Variants in CTTNBP2 observed in about 807,000 individuals in gnomAD.
CTTNBP2 encodes cortactin binding protein 2, also known as cortactin-binding protein 2.
A neutral mutation model predicts 156.9 loss-of-function variants in CTTNBP2; 108 were observed. That is an observed-to-expected ratio of 0.69 (90% CI 0.59 to 0.81). CTTNBP2 has a LOEUF of 0.81. Ranked by LOEUF, CTTNBP2 falls within the 30% of genes least tolerant of loss-of-function variation. CTTNBP2 has a pLI of 0.00. For synonymous variants in CTTNBP2, 767 were observed against 751.8 expected, an observed-to-expected ratio of 1.02 and a Z score of -0.33; for missense variants, 1,924 against 2,035.4, an observed-to-expected ratio of 0.95 and a Z score of 1.05.
At position 117,718,138 on chromosome 7, in the gene CTTNBP2, G is replaced by C. The variant is rs746332461; in HGVS notation, c.4645-19C>G. 4 of 1,505,358 alleles carry C rather than the reference G, an allele frequency of 2.7e-6. No homozygotes were observed. In the South Asian group the frequency reaches 4.5e-5, roughly 17 times the overall value. 93.3% of individuals were successfully genotyped at this position (1,505,358 alleles called of 1,614,324 possible). A position where few individuals can be genotyped will look rare whatever the true frequency, so the allele number is the denominator to read the frequency against. On this transcript the variant is annotated intron_variant, in intron 21 of 22. Coordinates refer to ENST00000160373, the MANE Select transcript of CTTNBP2 (RefSeq NM_033427.3). ...CAGCAATCTAGAAAATACAGAATTT[G>C]CCCGGTCATGTCTCCACAGTCACAC...
rs900913467 is a variant in CTTNBP2 at position 117,839,289 on chromosome 7, T to G, written c.189+21920A>C. ...TTGAATCCTGACAATCATGTTAAGA[T>G]AGCTCTTTATATGCCATTAGTCAGA... On this transcript the variant is annotated intron_variant, in intron 2 of 22. Transcript: ENST00000160373. Among the ~76,000 whole-genome samples, 4 of 152,224 alleles carry G rather than the reference T, an allele frequency of 2.6e-5. No individual in the cohort carries two copies. In the East Asian group the frequency reaches 7.7e-4, roughly 29 times the overall value.
chr7:117,766,880 A>C (rs1355889734), intron 9 of CTTNBP2, among the ~76,000 whole-genome samples, 179 bp downstream of exon 9: 1 of 152,178 alleles, frequency 6.6e-6, no homozygotes, highest in Admixed American at 6.5e-5. Flanking sequence ...GTTCTACAAA[A>C]AGTCATTCTA....
chr7:117,719,659 G>GT, intron 20 of CTTNBP2, 23 bp from the exon 21 acceptor site: 1 of 1,591,866 alleles, frequency 6.3e-7, no homozygotes, highest in Non-Finnish European at 8.6e-7. Context: ...TCAGAAAAAC[G>GT]TTTTTCAAAG....
chr7:117,777,070 G>A (rs1176472435), intron 8 of CTTNBP2, among the ~76,000 whole-genome samples: 14 of 152,132 alleles, frequency 9.2e-5, no homozygotes, highest in Admixed American at 9.2e-4. Flanking sequence ...CTCCCTCTTA[G>A]ATATCGGTAA....
chr7:117,780,407 A>T, intron 7 of CTTNBP2, 34 bp downstream of exon 7: 1 of 1,390,024 alleles, frequency 7.2e-7, no homozygotes, highest in Non-Finnish European at 9.5e-7. Flanking sequence ...TGCAAATTAT[A>T]TATACAGGGG....
chr7:117,770,242 TGA>T (rs1366550785), intron 8 of CTTNBP2, among the ~76,000 whole-genome samples: 3 of 152,224 alleles, frequency 2.0e-5, no homozygotes, highest in African/African-American at 7.2e-5. Context: ...ACTCCTGAAC[TGA>T]GAGTCTTTTA....
intron 1 of CTTNBP2, chr7:117,872,007 A>T: frequency 1.0e-6 from 1 of 973,756 alleles, no homozygotes; most frequent in Non-Finnish European, 1.2e-6. Flanking sequence ...GAGCTGATTC[A>T]CATAAGTGGG....
chr7:117,746,573 C>T (rs367809143), intron 12 of CTTNBP2, among the ~76,000 whole-genome samples: 9 of 152,030 alleles, frequency 5.9e-5, no homozygotes, highest in African/African-American at 1.4e-4. Flanking sequence ...CCACAGTCAC[C>T]GTAAATATTT....
intron 1 of CTTNBP2, among the ~76,000 whole-genome samples, chr7:117,868,831 T>A (rs1584592026): frequency 6.6e-6 from 1 of 152,234 alleles, no homozygotes; most frequent in Non-Finnish European, 1.5e-5. Flanking sequence ...TACTGCTCCA[T>A]CCTTCCTAGG....
At chr7:117,733,716 T>C (rs1795528003) in intron 16 of CTTNBP2, among the ~76,000 whole-genome samples, 1 of 152,182 alleles carries the variant, frequency 6.6e-6, no homozygotes, top group Admixed American at 6.5e-5. Context: ...TTAATTCTAA[T>C]TACCAGTGGC....
chr7:117,739,545 C>A (rs887201030), intron 14 of CTTNBP2, among the ~76,000 whole-genome samples: 1 of 152,184 alleles, frequency 6.6e-6, no homozygotes, highest in African/African-American at 2.4e-5. Flanking sequence ...GGGCTACATC[C>A]CAGTTTTGCA....
intron 4 of CTTNBP2, among the ~76,000 whole-genome samples, chr7:117,789,793 C>T (rs1043420825): frequency 3.3e-5 from 5 of 152,130 alleles, no homozygotes; most frequent in Non-Finnish European, 5.9e-5. Flanking sequence ...CACCCTCCCC[C>T]ATATGAGTAG....
At chr7:117,828,672 A>G (rs1222635717) in intron 2 of CTTNBP2, among the ~76,000 whole-genome samples, 2 of 152,214 alleles carry the variant, frequency 1.3e-5, no homozygotes, top group Non-Finnish European at 2.9e-5. Context: ...GTTTGTTCAC[A>G]TTGATAAAAG....
intron 19 of CTTNBP2, 116 bp from the exon 20 acceptor site, chr7:117,721,246 T>G (rs1344227912): frequency 4.3e-6 from 3 of 690,224 alleles, no homozygotes; most frequent in Non-Finnish European, 5.1e-6. Flanking sequence ...CTTGGATTAG[T>G]ATCCAGGATT....
intron 2 of CTTNBP2, among the ~76,000 whole-genome samples, chr7:117,815,668 T>C (rs2116994599): frequency 6.6e-6 from 1 of 152,304 alleles, no homozygotes; most frequent in East Asian, 1.9e-4. Context: ...GTGTGTATAT[T>C]TGGCATGCTA....
At chr7:117,743,761 CAAAAAAAAAA>C (rs556372208) in intron 14 of CTTNBP2, among the ~76,000 whole-genome samples, 1 of 19,636 alleles carries the variant, frequency 5.1e-5, no homozygotes, top group East Asian at 3.9e-3. Context: ...GACTCTGTCT[CAAAAAAAAAA>C]AAAAAAAAAA....
chr7:117,734,950 A>C lies in CTTNBP2; in HGVS notation c.3839T>G (p.Leu1280Arg), dbSNP rs1795599314. ...LRWDGEPMQG[L>R]LQRFLRRKVV... The stretch of plus-strand genomic sequence containing the variant: ...TTTCCTTCGTAAGAACCTCTGCAGC[A>C]GTCCTTGCATGGGCTCGCCATCCCA... Residue 1280 changes from leucine to arginine, a missense_variant, in exon 16 of 23, where the codon CTG becomes CGG. Leu to Arg is a moderately radical substitution (Grantham distance 102). Coordinates refer to ENST00000160373, the MANE Select transcript of CTTNBP2 (RefSeq NM_033427.3). 6.2e-7 allele frequency: 1 copy of C among 1,611,518 alleles called. No homozygotes were observed. The highest frequency in any genetic ancestry group is 8.5e-7 in the Non-Finnish European group (1 of 1,178,108).
At chr7:117,799,311 G>T (rs1584443781) in intron 3 of CTTNBP2, among the ~76,000 whole-genome samples, 1 of 151,686 alleles carries the variant, frequency 6.6e-6, no homozygotes, top group African/African-American at 2.4e-5. Flanking sequence ...GTAATAAAAA[G>T]GTGACCATGT....
At chr7:117,803,686 G>A (rs890574500) in intron 3 of CTTNBP2, among the ~76,000 whole-genome samples, 6 of 152,108 alleles carry the variant, frequency 3.9e-5, no homozygotes, top group Admixed American at 2.0e-4. Context: ...AGTAAAGAGA[G>A]GGTGAGAATC....
Sources: allele counts gnomAD v4.1 joint callset (sites outside exome capture counted in the v4.1 genomes callset), GRCh38; gene constraint gnomAD v4.1.1; transcripts MANE v1.5; gene names NCBI Gene and HGNC (gene_info 2026-07-23, HGNC 2026-07-21).